The following C2CD2 variants were observed in gnomAD, a reference collection of about 807,000 sequenced individuals.
C2CD2 encodes C2 domain-containing protein 2.
In C2CD2, 43 loss-of-function variants were observed where a neutral mutation model predicts 74.3. That is an observed-to-expected ratio of 0.58 (90% CI 0.45 to 0.75). The LOEUF is 0.75. Ranked by LOEUF, C2CD2 falls within the 30% of genes least tolerant of loss-of-function variation. The probability of loss-of-function intolerance (pLI) is 0.00; values close to 1 mark genes in which losing one functional copy is unlikely to be tolerated. For synonymous variants in C2CD2, 422 were observed against 390.7 expected (o/e 1.08, Z -0.94); for missense variants, 801 against 916.3 (o/e 0.87, Z 1.63).
Position 41,953,438 on chromosome 21 carries a change from C to G in C2CD2, c.211G>C (p.Gly71Arg). ...GCCTGCCACTGGCTCCTCCAGCTGC[C>G]CAGCGTCAGGATCCAGGAGAGCAGC... ...DALLSWILTL[G>R]SWRSQWQAAW... The change falls in exon 1 of 14, where the codon GGC becomes CGC. Residue 71 changes from glycine (G) to arginine (R), a missense_variant. Gly to Arg is a moderately radical substitution (Grantham distance 125, BLOSUM62 -2). Transcript: ENST00000380486. 6.8e-7 allele frequency: 1 copy of G among 1,463,394 alleles called. No homozygotes were observed. The highest frequency in any genetic ancestry group is 9.1e-7 in the Non-Finnish European group (1 of 1,100,744). 90.7% of individuals were successfully genotyped at this position (1,463,394 alleles called of 1,614,324 possible). A position where few individuals can be genotyped will look rare whatever the true frequency, so the allele number is the denominator to read the frequency against.
At chr21:41,919,130 A>T in intron 3 of C2CD2, 170 bp from the exon 4 acceptor site, 2 of 622,458 alleles carry the variant, frequency 3.2e-6, no homozygotes, top group Non-Finnish European at 5.8e-6. Flanking sequence ...GCATGTGTGC[A>T]TATGAGCATG....
At chr21:41,937,447 G>T (rs1569080236) in intron 2 of C2CD2, among the ~76,000 whole-genome samples, 1 of 152,182 alleles carries the variant, frequency 6.6e-6, no homozygotes, top group Non-Finnish European at 1.5e-5. Context: ...TGTAAGAATA[G>T]AGTATATAAT....
Position 41,899,225 on chromosome 21 carries a change from G to C in C2CD2, c.1698C>G (p.Ala566=). Residue 566 remains alanine (A), a synonymous_variant, in exon 13 of 14, where the codon GCC becomes GCG. Transcript: ENST00000380486. The surrounding 1 kb of genome is among the most constrained non-coding windows in gnomAD (Gnocchi z 4.4). ...GGGGCTTGGGGGCAAGGGATGCCTG[G>C]GCTGACTCGGCTTCCTCTGGCGGGG... ...ASAPPEEAES[A]QASLAPKPQE... is the part of the protein sequence containing the mutation. 6.2e-7 allele frequency: 1 copy of C among 1,612,462 alleles called. No individual in the cohort carries two copies. The highest frequency in any genetic ancestry group is 1.1e-5 in the South Asian group (1 of 90,952).
In C2CD2 at chr21:41,892,293, C is replaced by T. The variant is rs1030181781; in HGVS notation, c.1871-2949G>A. Among the ~76,000 whole-genome samples the T allele has an allele frequency of 3.9e-5, 6 of 152,128 alleles. No individual in the cohort carries two copies. The highest frequency in any genetic ancestry group is 2.1e-4 in the South Asian group (1 of 4,824). ...CAGCAGCTGTCAGGAGCTGGAGAGG[C>T]GGGAGCAGGCTCTCCCACAGGGCCT... is the stretch of plus-strand genomic sequence containing the variant. On this transcript the variant is annotated intron_variant, in intron 13 of 13. Transcript: ENST00000380486. This position sits in a 1 kb window ranked among gnomAD's most constrained non-coding sequence, Gnocchi z 4.6.
Position 41,906,977 on chromosome 21 carries a change from T to G in C2CD2, c.1318+15A>C, listed in dbSNP as rs770158200. The G allele has an allele frequency of 1.2e-5, 20 of 1,608,000 alleles. No individual in the cohort carries two copies. Among genetic ancestry groups the G allele is most frequent in the Middle Eastern group, 3.8e-4 (2 of 5,298 alleles). The stretch of plus-strand genomic sequence containing the variant: ...TCATGCAGAAAGTTCCTCGACTGCG[T>G]TCCTGTTGTCTCACCAGAGCTCAGC... On this transcript the variant is annotated intron_variant, in intron 10 of 13. Transcript: ENST00000380486.
intron 8 of C2CD2, chr21:41,908,732 G>A (rs2064993981): frequency 6.6e-6 from 1 of 152,066 alleles, no homozygotes; most frequent in African/African-American, 2.4e-5. Flanking sequence ...GCTGGGCAAG[G>A]GCTTCCCAAT....
intron 1 of C2CD2, among the ~76,000 whole-genome samples, chr21:41,949,503 G>T (rs1476572497): frequency 6.6e-6 from 1 of 152,164 alleles, no homozygotes; most frequent in Non-Finnish European, 1.5e-5. Context: ...CTTTTACGTG[G>T]TGCTGGGTGA....
At chr21:41,905,920 C>G in intron 10 of C2CD2, 83 bp from the exon 11 acceptor site, 2 of 788,522 alleles carry the variant, frequency 2.5e-6, no homozygotes, top group Non-Finnish European at 4.5e-6. Flanking sequence ...GGACAGCCCT[C>G]ACTGCAACTC....
At position 41,885,365 on chromosome 21, in the gene C2CD2, GGTAGA is replaced by G. The variant is rs1338540891; in HGVS notation, c.*3754_*3758del. ...TACAATGCAGTTTCGACATAACATT[GGTAGA>G]GTAAACAACAAACCACAAGCCTAAA... On this transcript the variant is annotated 3_prime_UTR_variant, in exon 14 of 14. Coordinates refer to ENST00000380486, the MANE Select transcript of C2CD2 (RefSeq NM_015500.2). The G allele has an allele frequency of 4.6e-5, 7 of 152,590 alleles. No individual in the cohort carries two copies. The highest frequency in any genetic ancestry group is 7.2e-5 in the African/African-American group (3 of 41,446). 9.5% of individuals were successfully genotyped at this position (152,590 alleles called of 1,614,324 possible).
At chr21:41,947,996 C>A (rs4920032) in intron 1 of C2CD2, among the ~76,000 whole-genome samples, 18,169 of 152,234 alleles carry the variant, frequency 0.12, 1,379 homozygotes, top group East Asian at 0.3. Context: ...CCCACACTTT[C>A]CTGAATCCCT....
intron 3 of C2CD2, among the ~76,000 whole-genome samples, chr21:41,919,614 C>A (rs913443677): frequency 6.6e-6 from 1 of 152,196 alleles, no homozygotes; most frequent in Non-Finnish European, 1.5e-5. Context: ...TCATTCTAAT[C>A]CTGGGCGTGG....
chr21:41,917,592 TA>T (rs918193542), intron 5 of C2CD2, among the ~76,000 whole-genome samples: 4 of 151,990 alleles, frequency 2.6e-5, no homozygotes, highest in African/African-American at 7.3e-5. Flanking sequence ...TCAGATGGAA[TA>T]GGGGGGCTCC....
intron 7 of C2CD2, among the ~76,000 whole-genome samples, chr21:41,911,962 A>C (rs561821114): frequency 1.3e-5 from 2 of 152,212 alleles, no homozygotes; most frequent in South Asian, 4.2e-4. Context: ...TCTGCCACCC[A>C]AACAGCTGGG....
intron 1 of C2CD2, among the ~76,000 whole-genome samples, chr21:41,951,289 T>C (rs1025499896): frequency 5.9e-5 from 9 of 152,192 alleles, no homozygotes; most frequent in African/African-American, 2.2e-4. Context: ...CCAGATCCTA[T>C]CTGCCTGCAA....
At position 41,939,706 on chromosome 21, in the gene C2CD2, C is replaced by G. The variant is rs1341251097; in HGVS notation, c.378+2441G>C. Reference sequence around the variant, plus strand: ...AGTACTTTCCAGTGACTTCCTCACACTACTTACAAGGATTATCTAACAGCG... The same window carrying G: ...AGTACTTTCCAGTGACTTCCTCACAGTACTTACAAGGATTATCTAACAGCG... On this transcript the variant is annotated intron_variant, in intron 2 of 13. Coordinates refer to ENST00000380486, the MANE Select transcript of C2CD2 (RefSeq NM_015500.2). The surrounding 1 kb of genome is among the most constrained non-coding windows in gnomAD (Gnocchi z 5.5). Among the ~76,000 whole-genome samples, 1 of 152,228 alleles carries G rather than the reference C, an allele frequency of 6.6e-6. No homozygotes were observed. Among genetic ancestry groups the G allele is most frequent in the African/African-American group, 2.4e-5 (1 of 41,454 alleles).
Position 41,926,589 on chromosome 21 carries a change from A to G in C2CD2, c.379-4504T>C. ...TCACATACCTATGCAAACAGCGCTT[A>G]TCTGGAAACTATTCCTTTGTTTAGA... On this transcript the variant is annotated intron_variant, in intron 2 of 13. Transcript: ENST00000380486. This position sits in a 1 kb window ranked among gnomAD's most constrained non-coding sequence, Gnocchi z 8.0. 4 of 976,634 alleles carry G rather than the reference A, an allele frequency of 4.1e-6. No homozygotes were observed. The highest frequency in any genetic ancestry group is 4.9e-6 in the Non-Finnish European group (4 of 821,912). 60.5% of individuals were successfully genotyped at this position (976,634 alleles called of 1,614,324 possible). A position where few individuals can be genotyped will look rare whatever the true frequency, so the allele number is the denominator to read the frequency against.
rs539506482 is a variant in C2CD2 at position 41,900,268 on chromosome 21, C to T, written c.1561-906G>A. Among the ~76,000 whole-genome samples the T allele has an allele frequency of 9.2e-5, 14 of 151,874 alleles. No homozygotes were observed. The East Asian group carries it at 1.5e-3, about 17-fold the overall frequency. On this transcript the variant is annotated intron_variant, in intron 12 of 13. Transcript: ENST00000380486. ...CAGCCTGGGTGACAGAGCGAGACTC[C>T]GTCTCAAAAAAATAAAATAAAATAA...
At chr21:41,907,217 C>T in intron 9 of C2CD2, 51 bp from the exon 10 acceptor site, 2 of 1,480,006 alleles carry the variant, frequency 1.4e-6, no homozygotes, top group Non-Finnish European at 1.9e-6. Context: ...GTTGCCCAGG[C>T]TGATCAGCCA....
At chr21:41,932,476 G>A (rs912059676) in intron 2 of C2CD2, among the ~76,000 whole-genome samples, 9 of 150,800 alleles carry the variant, frequency 6.0e-5, no homozygotes, top group African/African-American at 1.9e-4. Context: ...GCAACCCGGA[G>A]CTTACGCCTG....
Sources: allele counts gnomAD v4.1 joint callset (sites outside exome capture counted in the v4.1 genomes callset), GRCh38; gene constraint gnomAD v4.1.1; non-coding constraint Gnocchi (gnomAD v3.1); transcripts MANE v1.5; gene names NCBI Gene and HGNC (gene_info 2026-07-23, HGNC 2026-07-21).